The following GPC5 variants were observed in gnomAD, a reference collection of about 807,000 sequenced individuals.
GPC5 encodes glypican 5, also known as glypican-5.
Under a neutral mutation model 53.9 loss-of-function variants are expected in GPC5, and 47 were observed. The observed-to-expected ratio is 0.87, with a 90% CI of 0.69 to 1.11. The LOEUF is 1.11. GPC5 is among the 50% of genes most tolerant of loss of function. The probability of loss-of-function intolerance (pLI) is 0.00; values close to 1 mark genes in which losing one functional copy is unlikely to be tolerated. For synonymous variants in GPC5, 286 were observed against 263.3 expected, an observed-to-expected ratio of 1.09 and a Z score of -0.84; for missense variants, 748 against 713.1, an observed-to-expected ratio of 1.05 and a Z score of -0.56.
At chr13:92,706,621 T>C (rs17233815) in intron 7 of GPC5, among the ~76,000 whole-genome samples, 6,878 of 152,152 alleles carry the variant, frequency 0.045, 438 homozygotes, top group East Asian at 0.29. Flanking sequence ...CTCCTGTATA[T>C]TCTAGTCAAG....
chr13:92,280,899 G>A (rs2139168253), intron 7 of GPC5, among the ~76,000 whole-genome samples: 1 of 152,252 alleles, frequency 6.6e-6, no homozygotes, highest in African/African-American at 2.4e-5. Context: ...GGACAGTGGG[G>A]GCAGGACAAT....
intron 6 of GPC5, among the ~76,000 whole-genome samples, chr13:91,956,096 G>T (rs550441487): frequency 4.5e-4 from 69 of 152,142 alleles, no homozygotes; most frequent in African/African-American, 1.6e-3. Flanking sequence ...CCTCCCCAGT[G>T]CCTACCACAG....
chr13:92,734,628 TCTCA>T (rs1231819476), intron 7 of GPC5, among the ~76,000 whole-genome samples: 2 of 151,918 alleles, frequency 1.3e-5, no homozygotes, highest in African/African-American at 4.8e-5. Flanking sequence ...TATTCCCCAT[TCTCA>T]CTCTTAGTCC....
intron 7 of GPC5, among the ~76,000 whole-genome samples, chr13:92,861,022 A>T (rs1379523421): frequency 6.6e-6 from 1 of 152,088 alleles, no homozygotes; most frequent in Non-Finnish European, 1.5e-5. Context: ...ATAGACTATT[A>T]GAATTAAAAG....
chr13:92,603,568 A>G (rs1297919899), intron 7 of GPC5, among the ~76,000 whole-genome samples: 2 of 152,198 alleles, frequency 1.3e-5, no homozygotes, highest in Non-Finnish European at 2.9e-5. Context: ...GGCACAACAC[A>G]ACTTGCCTAA....
rs908073395 is a variant in GPC5 at position 91,884,756 on chromosome 13, A to T, written c.1281-23181A>T. 5.3e-5 allele frequency among the ~76,000 whole-genome samples: 8 copies of T among 152,330 alleles called. No individual in the cohort carries two copies. In the South Asian group the frequency reaches 1.7e-3, roughly 32 times the overall value. On this transcript the variant is annotated intron_variant, in intron 5 of 7. Coordinates refer to ENST00000377067, the MANE Select transcript of GPC5 (RefSeq NM_004466.6). ...CTTACACTAGGAACCGTCAAGTTAGAAGTGCTCATATTCAAATGTGGTCAG... is the reference window on the plus strand; with the variant it reads ...CTTACACTAGGAACCGTCAAGTTAGTAGTGCTCATATTCAAATGTGGTCAG...
rs10553721 is a variant in GPC5 at position 92,797,819 on chromosome 13, T to TGATAGATAGATA, written c.1562-68423_1562-68412dup. On this transcript the variant is annotated intron_variant, in intron 7 of 7. Coordinates refer to ENST00000377067, the MANE Select transcript of GPC5 (RefSeq NM_004466.6). ...AGATAGATAAAAGATATTCAAGGGA[T>TGATAGATAGATA]GATAGATAGATAGATAGATAGATAG... 9.9e-3 allele frequency among the ~76,000 whole-genome samples: 1,422 copies of TGATAGATAGATA among 143,592 alleles called. 6 individuals are homozygous for TGATAGATAGATA. The highest frequency in any genetic ancestry group is 0.015 in the South Asian group (63 of 4,272). The allele number at this position is 143,592 out of a possible 152,430, so 94.2% of individuals were successfully genotyped here. A position where few individuals can be genotyped will look rare whatever the true frequency, so the allele number is the denominator to read the frequency against.
chr13:92,036,486 A>G (rs918368233), intron 6 of GPC5, among the ~76,000 whole-genome samples: 2 of 152,242 alleles, frequency 1.3e-5, no homozygotes, highest in East Asian at 3.8e-4. Context: ...TATAAGGGTC[A>G]TGCATTATAA....
intron 5 of GPC5, among the ~76,000 whole-genome samples, chr13:91,791,590 T>A (rs1332792220): frequency 6.6e-6 from 1 of 152,162 alleles, no homozygotes; most frequent in Non-Finnish European, 1.5e-5. Context: ...TCTGCCCATA[T>A]TTAATTGCTT....
At chr13:92,275,240 TACAC>T (rs2042867230) in intron 7 of GPC5, among the ~76,000 whole-genome samples, 1 of 152,158 alleles carries the variant, frequency 6.6e-6, no homozygotes, top group Non-Finnish European at 1.5e-5. Flanking sequence ...TTCTTTAAAA[TACAC>T]ACAGGCTTCT....
Position 92,657,515 on chromosome 13 carries a change from T to C in GPC5, c.1562-208767T>C, listed in dbSNP as rs544276430. Among the ~76,000 whole-genome samples the C allele has an allele frequency of 1.6e-4, 24 of 150,978 alleles. No homozygotes were observed. The South Asian group carries it at 4.4e-3, about 28-fold the overall frequency. On this transcript the variant is annotated intron_variant, in intron 7 of 7. Transcript: ENST00000377067. ...GAAAATACCAACAACTATGATTAAATTAGAGACACAACTGGCACGGAAGAG... is the reference window on the plus strand; with the variant it reads ...GAAAATACCAACAACTATGATTAAACTAGAGACACAACTGGCACGGAAGAG...
chr13:92,183,921 T>C (rs967074529), intron 7 of GPC5, among the ~76,000 whole-genome samples: 1 of 152,054 alleles, frequency 6.6e-6, no homozygotes, highest in African/African-American at 2.4e-5. Flanking sequence ...TTTGATCTTA[T>C]CTAATAGGGT....
intron 5 of GPC5, among the ~76,000 whole-genome samples, chr13:91,757,208 T>C (rs1183221410): frequency 6.6e-6 from 1 of 152,132 alleles, no homozygotes; most frequent in Non-Finnish European, 1.5e-5. Flanking sequence ...CTGGTGGTTA[T>C]TATAGAATGT....
intron 5 of GPC5, among the ~76,000 whole-genome samples, chr13:91,854,585 T>A (rs1429822070): frequency 6.6e-6 from 1 of 151,710 alleles, no homozygotes; most frequent in Non-Finnish European, 1.5e-5. Context: ...ACTATCCTTC[T>A]ATTCTCTATC....
At chr13:91,656,988 T>G (rs1303868519) in intron 2 of GPC5, among the ~76,000 whole-genome samples, 1 of 152,144 alleles carries the variant, frequency 6.6e-6, no homozygotes, top group Non-Finnish European at 1.5e-5. Context: ...CTGGGAACAA[T>G]CCAGGCTCTA....
chr13:92,314,997 G>A (rs538837806), intron 7 of GPC5, among the ~76,000 whole-genome samples: 4 of 152,134 alleles, frequency 2.6e-5, no homozygotes, highest in South Asian at 4.2e-4. Flanking sequence ...GGCTGGTCTC[G>A]AACTCTTAGG....
chr13:91,677,777 A>G lies in GPC5; in HGVS notation c.326-15410A>G, dbSNP rs150017567. ...ACAGTTATTTAGAATCTAGATTTCT[A>G]CAAGTCATATCTTTGGAAGGACCTT... is the stretch of plus-strand genomic sequence containing the variant. On this transcript the variant is annotated intron_variant, in intron 2 of 7. Transcript: ENST00000377067. 3.4e-3 allele frequency among the ~76,000 whole-genome samples: 525 copies of G among 152,338 alleles called. 2 individuals carry two copies. Among genetic ancestry groups the G allele is most frequent in the Non-Finnish European group, 6.4e-3 (435 of 68,016 alleles).
chr13:91,880,951 G>A (rs1197979932), intron 5 of GPC5, among the ~76,000 whole-genome samples: 5 of 152,022 alleles, frequency 3.3e-5, no homozygotes, highest in African/African-American at 1.2e-4. Context: ...CCACCACACA[G>A]GGCTAATTTT....
At chr13:91,921,693 C>T (rs545907666) in intron 6 of GPC5, among the ~76,000 whole-genome samples, 1 of 151,782 alleles carries the variant, frequency 6.6e-6, no homozygotes, top group East Asian at 1.9e-4. Context: ...TGTCTATAAT[C>T]CCAGCATGTT....
Sources: allele counts gnomAD v4.1 joint callset (sites outside exome capture counted in the v4.1 genomes callset), GRCh38; gene constraint gnomAD v4.1.1; transcripts MANE v1.5; gene names NCBI Gene and HGNC (gene_info 2026-07-23, HGNC 2026-07-21).